CYP27C1: variants seen among roughly 807,000 people sequenced by gnomAD.
The protein encoded by CYP27C1 is cytochrome P450 27C1.
In CYP27C1, 29 loss-of-function variants were observed where a neutral mutation model predicts 40.6. The ratio of observed to expected loss-of-function variants is 0.71; its 90% confidence interval spans 0.53 to 0.97. CYP27C1 has a LOEUF of 0.97. CYP27C1 is among the 50% of genes least tolerant of loss of function. CYP27C1 has a pLI of 0.00. For synonymous variants in CYP27C1, 198 were observed against 186.8 expected, an observed-to-expected ratio of 1.06 and a Z score of -0.49; for missense variants, 390 against 485.8, an observed-to-expected ratio of 0.80 and a Z score of 1.85.
intron 1 of CYP27C1, among the ~76,000 whole-genome samples, chr2:127,214,208 T>C (rs1683384803): frequency 6.6e-6 from 1 of 152,242 alleles, no homozygotes; most frequent in Non-Finnish European, 1.5e-5. Flanking sequence ...GAAACACTTT[T>C]ACACTGTTGG....
intron 3 of CYP27C1, 95 bp downstream of exon 3, chr2:127,203,277 C>T: frequency 7.1e-7 from 1 of 1,413,712 alleles, no homozygotes; most frequent in South Asian, 1.4e-5. Context: ...ACTTAGCACA[C>T]TGCCTGGGAC....
At position 127,201,036 on chromosome 2, in the gene CYP27C1, G is replaced by A; in HGVS notation, c.883+86C>T. On this transcript the variant is annotated intron_variant, in intron 4 of 8. Coordinates refer to ENST00000664447, the MANE Select transcript of CYP27C1 (RefSeq NM_001367502.1). This position sits in a 1 kb window ranked among gnomAD's most constrained non-coding sequence, Gnocchi z 6.0. ...CTACATCTAGGCATCCTCTGCTATG[G>A]TCACCCATTGTCTGGATGAGAGTTA... is the stretch of plus-strand genomic sequence containing the variant. The A allele has an allele frequency of 3.1e-6, 4 of 1,308,028 alleles. No individual in the cohort carries two copies. The South Asian group carries it at 5.1e-5, about 17-fold the overall frequency. 81.0% of individuals were successfully genotyped at this position (1,308,028 alleles called of 1,614,324 possible). A position where few individuals can be genotyped will look rare whatever the true frequency, so the allele number is the denominator to read the frequency against.
intron 8 of CYP27C1, among the ~76,000 whole-genome samples, chr2:127,189,181 G>GC (rs1026808711): frequency 1.5e-4 from 12 of 80,478 alleles, no homozygotes; most frequent in Admixed American, 8.2e-4. Flanking sequence ...CCCCCCCTCC[G>GC]CCCCCCTACA....
rs1309343209 is a variant in CYP27C1, at chr2:127,184,416, G to C, written c.*2855C>G. 4.0e-5 allele frequency: 6 copies of C among 151,008 alleles called. No homozygotes were observed. The highest frequency in any genetic ancestry group is 1.5e-4 in the African/African-American group (6 of 41,084). The allele number at this position is 151,008 out of a possible 1,614,324, so 9.4% of individuals were successfully genotyped here. Reference sequence around the variant, plus strand: ...CCCTTGGTTTTTTTTTTGCTTTTTGGTTTTTGTTTTTTTTAGATACGGAGT... The same window carrying C: ...CCCTTGGTTTTTTTTTTGCTTTTTGCTTTTTGTTTTTTTTAGATACGGAGT... On this transcript the variant is annotated 3_prime_UTR_variant, in exon 9 of 9. Coordinates refer to ENST00000664447, the MANE Select transcript of CYP27C1 (RefSeq NM_001367502.1).
At chr2:127,206,555 GC>G (rs1683233686) in intron 1 of CYP27C1, among the ~76,000 whole-genome samples, 1 of 152,102 alleles carries the variant, frequency 6.6e-6, no homozygotes, top group Admixed American at 6.5e-5. Flanking sequence ...TGATCCTCCT[GC>G]CTCAGCCTCC....
At chr2:127,211,370 T>TG (rs1491528257) in intron 1 of CYP27C1, among the ~76,000 whole-genome samples, 20 of 15,366 alleles carry the variant, frequency 1.3e-3, no homozygotes, top group African/African-American at 2.9e-3. Context: ...TGTTTTTTTG[T>TG]TTTTTTTTTT....
intron 8 of CYP27C1, among the ~76,000 whole-genome samples, chr2:127,191,925 A>G (rs954507620): frequency 1.3e-5 from 2 of 152,184 alleles, no homozygotes; most frequent in African/African-American, 4.8e-5. Context: ...GCCAGCCCTG[A>G]GCCAGTGGGG....
Position 127,218,468 on chromosome 2 carries a change from G to C in CYP27C1, c.282+1521C>G, listed in dbSNP as rs1387758121. On this transcript the variant is annotated intron_variant, in intron 1 of 8. Transcript: ENST00000664447. The surrounding 1 kb of genome is among the most constrained non-coding windows in gnomAD (Gnocchi z 6.0). ...GAGCCCTCTAAGCATTGGGGTGGGG[G>C]TGGCGGTTTGGAACTGTATAGGGTT... Among the ~76,000 whole-genome samples the C allele has an allele frequency of 6.6e-6, 1 of 152,088 alleles. No individual in the cohort carries two copies. The highest frequency in any genetic ancestry group is 1.5e-5 in the Non-Finnish European group (1 of 68,014).
chr2:127,195,323 C>A lies in CYP27C1; in HGVS notation c.1214+12G>T. ...GACACAGTTTGTTGACGGATTCTGG[C>A]GAGCCTTTTACCTCAGGGTTTCCTT... On this transcript the variant is annotated intron_variant, in intron 6 of 8. Coordinates refer to ENST00000664447, the MANE Select transcript of CYP27C1 (RefSeq NM_001367502.1). This position sits in a 1 kb window ranked among gnomAD's most constrained non-coding sequence, Gnocchi z 6.2. 6.2e-7 allele frequency: 1 copy of A among 1,613,840 alleles called. No homozygotes were observed. The highest frequency in any genetic ancestry group is 8.5e-7 in the Non-Finnish European group (1 of 1,179,890).
At chr2:127,211,944 G>A (rs895485771) in intron 1 of CYP27C1, among the ~76,000 whole-genome samples, 4 of 151,870 alleles carry the variant, frequency 2.6e-5, no homozygotes. Context: ...GAAGGAGAGA[G>A]AGAAGAATCA....
In CYP27C1 at chr2:127,218,302, G is replaced by C. The variant is rs189947510; in HGVS notation, c.282+1687C>G. ...AGGATAAAAGCAGATGGCAGTAGGGGCGGATAAAAGAAAAATTAAATTACA... is the reference window on the plus strand; with the variant it reads ...AGGATAAAAGCAGATGGCAGTAGGGCCGGATAAAAGAAAAATTAAATTACA... On this transcript the variant is annotated intron_variant, in intron 1 of 8. Coordinates refer to ENST00000664447, the MANE Select transcript of CYP27C1 (RefSeq NM_001367502.1). This position sits in a 1 kb window ranked among gnomAD's most constrained non-coding sequence, Gnocchi z 6.0. 3.5e-4 allele frequency among the ~76,000 whole-genome samples: 54 copies of C among 152,338 alleles called. No individual in the cohort carries two copies. The highest frequency in any genetic ancestry group is 8.5e-4 in the Admixed American group (13 of 15,306).
rs188300108 is a variant in CYP27C1 at position 127,187,550 on chromosome 2, T to G, written c.1498-163A>C. ...GGAGGCTACAGAACCTCCAGGTCAG[T>G]GGGAAGCCCGCTGTTTGGAAACAGA... On this transcript the variant is annotated intron_variant, in intron 8 of 8. Transcript: ENST00000664447. Among the ~76,000 whole-genome samples, 137 of 152,220 alleles carry G rather than the reference T, an allele frequency of 9.0e-4. 2 individuals are homozygous for G. The East Asian group carries it at 0.018, about 20-fold the overall frequency.
Position 127,208,821 on chromosome 2 carries a change from C to A in CYP27C1, c.283-2731G>T, listed in dbSNP as rs563071470. Reference sequence around the variant, plus strand: ...ATTCCCAGCAGGATCTCCAACAATTCCAGTCAGAGGCTCGGGGACAGAACT... The same window carrying A: ...ATTCCCAGCAGGATCTCCAACAATTACAGTCAGAGGCTCGGGGACAGAACT... On this transcript the variant is annotated intron_variant, in intron 1 of 8. Transcript: ENST00000664447. This position sits in a 1 kb window ranked among gnomAD's most constrained non-coding sequence, Gnocchi z 5.2. Among the ~76,000 whole-genome samples, 1 of 152,274 alleles carries A rather than the reference C, an allele frequency of 6.6e-6. No homozygotes were observed. Among genetic ancestry groups the A allele is most frequent in the Admixed American group, 6.5e-5 (1 of 15,304 alleles).
chr2:127,211,444 G>T (rs372619966), intron 1 of CYP27C1, among the ~76,000 whole-genome samples: 7 of 140,522 alleles, frequency 5.0e-5, no homozygotes, highest in South Asian at 2.3e-4. Context: ...CTGCAGTGGC[G>T]CTATCTTGGC....
Position 127,209,327 on chromosome 2 carries a change from C to CA in CYP27C1, c.283-3238dup, listed in dbSNP as rs1345192104. ...ACAACAACAGCATTGATAACAACAACAAAAAAAGGCCCCCACAAAAACCCC... is the reference window on the plus strand; with the variant it reads ...ACAACAACAGCATTGATAACAACAACAAAAAAAAGGCCCCCACAAAAACCCC... On this transcript the variant is annotated intron_variant, in intron 1 of 8. Transcript: ENST00000664447. This position sits in a 1 kb window ranked among gnomAD's most constrained non-coding sequence, Gnocchi z 4.1. Among the ~76,000 whole-genome samples, 1 of 151,984 alleles carries CA rather than the reference C, an allele frequency of 6.6e-6. No homozygotes were observed. Among genetic ancestry groups the CA allele is most frequent in the Non-Finnish European group, 1.5e-5 (1 of 67,984 alleles).
At chr2:127,210,183 T>C (rs968043012) in intron 1 of CYP27C1, among the ~76,000 whole-genome samples, 6 of 152,298 alleles carry the variant, frequency 3.9e-5, no homozygotes, top group Middle Eastern at 6.8e-3. Context: ...AGAAACTCTA[T>C]ACGCCAGAAG....
chr2:127,196,908 A>G lies in CYP27C1; in HGVS notation c.1048-1407T>C, dbSNP rs1399307573. On this transcript the variant is annotated intron_variant, in intron 5 of 8. Coordinates refer to ENST00000664447, the MANE Select transcript of CYP27C1 (RefSeq NM_001367502.1). The surrounding 1 kb of genome is among the most constrained non-coding windows in gnomAD (Gnocchi z 4.5). ...AGAAAAATGTGGCAGTGGTTTCATA[A>G]ATGATTCCATCTGTCAAAAATCTGT... 6.6e-6 allele frequency among the ~76,000 whole-genome samples: 1 copy of G among 152,248 alleles called. No homozygotes were observed. Among genetic ancestry groups the G allele is most frequent in the Non-Finnish European group, 1.5e-5 (1 of 68,044 alleles).
chr2:127,216,325 G>A (rs530720042), intron 1 of CYP27C1, among the ~76,000 whole-genome samples: 4 of 152,308 alleles, frequency 2.6e-5, no homozygotes, highest in South Asian at 2.1e-4. Flanking sequence ...TAAGCAAAAT[G>A]TGGTATAGTC....
rs1558931107 is a variant in CYP27C1, at chr2:127,204,489, G to GAAAGAAAGA, written c.474-919_474-918insTCTTTCTTT. ...GAAAGAAAGAAAGAAAGAAAGAAAGGAAGGAAGGAAGGAAGGAAAGAAAGA... is the reference window on the plus strand; with the variant it reads ...GAAAGAAAGAAAGAAAGAAAGAAAGGAAAGAAAGAAAGGAAGGAAGGAAGGAAAGAAAGA... On this transcript the variant is annotated intron_variant, in intron 2 of 8. Coordinates refer to ENST00000664447, the MANE Select transcript of CYP27C1 (RefSeq NM_001367502.1). Among the ~76,000 whole-genome samples the GAAAGAAAGA allele has an allele frequency of 4.2e-3, 125 of 29,948 alleles. 8 individuals are homozygous for GAAAGAAAGA. Among genetic ancestry groups the GAAAGAAAGA allele is most frequent in the East Asian group, 9.5e-3 (6 of 634 alleles). 19.6% of individuals were successfully genotyped at this position (29,948 alleles called of 152,430 possible).
Sources: allele counts gnomAD v4.1 joint callset (sites outside exome capture counted in the v4.1 genomes callset), GRCh38; gene constraint gnomAD v4.1.1; non-coding constraint Gnocchi (gnomAD v3.1); transcripts MANE v1.5; gene names NCBI Gene and HGNC (gene_info 2026-07-23, HGNC 2026-07-21).